The following A4GALT variants were observed in gnomAD, a reference collection of about 807,000 sequenced individuals.
The protein encoded by A4GALT is alpha 1,4-galactosyltransferase (P1PK blood group).
For missense variants in A4GALT, 512 were observed against 486.0 expected (o/e 1.05, Z -0.50); for synonymous variants, 257 against 220.7 (o/e 1.16, Z -1.46).
chr22:42,694,574 T>C (rs1930786126), intron 2 of A4GALT: 1 of 154,962 alleles, frequency 6.5e-6, no homozygotes. Context: ...TGACGCTGAC[T>C]GGTACTACTG....
chr22:42,708,545 A>AGAAGGAAGGAGGGAAG (rs1555887809), intron 1 of A4GALT, among the ~76,000 whole-genome samples: 1 of 116,498 alleles, frequency 8.6e-6, no homozygotes, highest in Non-Finnish European at 1.7e-5. Context: ...GAGGAAAGAG[A>AGAAGGAAGGAGGGAAG]GAAGGAAGGA....
rs768921574 is a variant in A4GALT, at chr22:42,693,474, C to G, written c.478G>C (p.Ala160Pro). Reference protein sequence around the residue: ...FRDTPLADWYAAVQGRWEPYL... With the variant: ...FRDTPLADWYPAVQGRWEPYL... ...GGCTCCCAGCGCCCCTGCACGGCCG[C>G]GTACCAGTCGGCCAGGGGTGTGTCC... The change falls in exon 3 of 3, where the codon GCG becomes CCG. Residue 160 changes from alanine to proline, a missense_variant. Coordinates refer to ENST00000642412, the MANE Select transcript of A4GALT (RefSeq NM_017436.7). 1.2e-6 allele frequency: 2 copies of G among 1,613,100 alleles called. No individual in the cohort carries two copies. Among genetic ancestry groups the G allele is most frequent in the Non-Finnish European group, 1.7e-6 (2 of 1,179,956 alleles).
chr22:42,693,240 C>T lies in A4GALT; in HGVS notation c.712G>A (p.Val238Met), dbSNP rs1037960020. Reference sequence around the variant, plus strand: ...CAGATCCAGCCGTTGTAGTGGTCCACGAAGTCCCGCATGCACAGCGCCATG... The same window carrying T: ...CAGATCCAGCCGTTGTAGTGGTCCATGAAGTCCCGCATGCACAGCGCCATG... Reference protein sequence around the residue: ...EFMALCMRDFVDHYNGWIWGH... With the variant: ...EFMALCMRDFMDHYNGWIWGH... The change falls in exon 3 of 3, where the codon GTG (valine) becomes ATG (methionine). Residue 238 changes from valine to methionine, a missense_variant. By Grantham distance (21) the Val-to-Met change is conservative. Coordinates refer to ENST00000642412, the MANE Select transcript of A4GALT (RefSeq NM_017436.7). The T allele has an allele frequency of 3.7e-6, 6 of 1,610,888 alleles. No individual in the cohort carries two copies. In the African/African-American group the frequency reaches 6.7e-5, roughly 18 times the overall value.
chr22:42,714,085 T>C (rs1223534452), intron 1 of A4GALT, among the ~76,000 whole-genome samples: 1 of 149,054 alleles, frequency 6.7e-6, no homozygotes, highest in Admixed American at 6.7e-5. Flanking sequence ...AGGCCAAGAG[T>C]TGCGTGGGAA....
Position 42,693,348 on chromosome 22 carries a change from G to T in A4GALT, c.604C>A (p.Arg202=). 6.2e-7 allele frequency: 1 copy of T among 1,613,232 alleles called. No homozygotes were observed. Among genetic ancestry groups the T allele is most frequent in the Non-Finnish European group, 8.5e-7 (1 of 1,180,000 alleles). ...DTDFIVLKNL[R]NLTNVLGTQS... ...GTGCCCAGCACGTTGGTCAGGTTCC[G>T]CAGGTTCTTGAGAACAATGAAGTCC... is the stretch of plus-strand genomic sequence containing the variant. Residue 202 remains arginine (R), a synonymous_variant, in exon 3 of 3, where the codon CGG becomes AGG. Coordinates refer to ENST00000642412, the MANE Select transcript of A4GALT (RefSeq NM_017436.7).
chr22:42,718,833 C>A (rs867956858), intron 1 of A4GALT, among the ~76,000 whole-genome samples: 10 of 152,146 alleles, frequency 6.6e-5, no homozygotes, highest in Non-Finnish European at 1.0e-4. Context: ...GTGAGCACGC[C>A]TAGCAGGTCC....
At chr22:42,711,986 A>G (rs1257641122) in intron 1 of A4GALT, among the ~76,000 whole-genome samples, 1 of 152,208 alleles carries the variant, frequency 6.6e-6, no homozygotes, top group Non-Finnish European at 1.5e-5. Flanking sequence ...AGCCGGGATC[A>G]AATGTGATAA....
chr22:42,716,052 G>A (rs1211541023), intron 1 of A4GALT, among the ~76,000 whole-genome samples: 1 of 151,820 alleles, frequency 6.6e-6, no homozygotes, highest in Non-Finnish European at 1.5e-5. Context: ...GGCTGGTCTC[G>A]AACTCCCGAC....
At chr22:42,710,182 C>T (rs765901935) in intron 1 of A4GALT, among the ~76,000 whole-genome samples, 2 of 151,948 alleles carry the variant, frequency 1.3e-5, no homozygotes, top group Non-Finnish European at 2.9e-5. Context: ...AGAAAGAAAA[C>T]GCAATAGAAA....
intron 1 of A4GALT, among the ~76,000 whole-genome samples, chr22:42,697,243 C>T (rs1407108193): frequency 6.6e-6 from 1 of 151,962 alleles, no homozygotes; most frequent in African/African-American, 2.4e-5. Context: ...TAAGAGTGAA[C>T]CAATGAGTGT....
intron 1 of A4GALT, among the ~76,000 whole-genome samples, chr22:42,720,462 C>T (rs1922621052): frequency 6.6e-6 from 1 of 152,116 alleles, no homozygotes; most frequent in South Asian, 2.1e-4. Flanking sequence ...CCGGCTTCTC[C>T]CCGACGCCCT....
intron 1 of A4GALT, among the ~76,000 whole-genome samples, chr22:42,696,121 CAAA>C (rs1296048741): frequency 1.0e-3 from 54 of 53,906 alleles, no homozygotes; most frequent in Non-Finnish European, 1.6e-3. Flanking sequence ...GACTCTATCT[CAAA>C]AAAAAAAAAA....
chr22:42,719,778 C>T (rs1224972902), intron 1 of A4GALT, among the ~76,000 whole-genome samples: 1 of 152,182 alleles, frequency 6.6e-6, no homozygotes, highest in African/African-American at 2.4e-5. Flanking sequence ...AAGGCCAGAC[C>T]TGGCCTGAGA....
chr22:42,711,874 C>A lies in A4GALT; in HGVS notation c.-188+8923G>T, dbSNP rs538764175. Among the ~76,000 whole-genome samples, 113 of 152,284 alleles carry A rather than the reference C, an allele frequency of 7.4e-4. 1 individual carries two copies. Among genetic ancestry groups the A allele is most frequent in the Middle Eastern group, 3.4e-3 (1 of 294 alleles). On this transcript the variant is annotated intron_variant, in intron 1 of 2. Transcript: ENST00000642412. The stretch of plus-strand genomic sequence containing the variant: ...CTGACCTCAAGTGATCCACCCACCT[C>A]GGCCTTCCAAAGTGCTAGGATCACA...
At chr22:42,705,606 AAAAAAAG>A (rs1160082831) in intron 1 of A4GALT, among the ~76,000 whole-genome samples, 4 of 124,366 alleles carry the variant, frequency 3.2e-5, no homozygotes, top group African/African-American at 1.0e-4. Flanking sequence ...CTCAAAAAAA[AAAAAAAG>A]AAAAAGAAAA....
In A4GALT at chr22:42,693,481, GT is replaced by G; in HGVS notation, c.470del (p.Asp157AlafsTer48). On this transcript the variant is annotated frameshift_variant, in exon 3 of 3. Coordinates refer to ENST00000642412, the MANE Select transcript of A4GALT (RefSeq NM_017436.7). LOFTEE classifies it low-confidence loss of function (END_TRUNC). ...RELFRDTPLA[D>X]WYAAVQGRWE... ...AGCGCCCCTGCACGGCCGCGTACCA[GT>G]CGGCCAGGGGTGTGTCCCGGAACAG... The G allele has an allele frequency of 6.2e-7, 1 of 1,613,164 alleles. No individual in the cohort carries two copies. The highest frequency in any genetic ancestry group is 8.5e-7 in the Non-Finnish European group (1 of 1,179,960).
intron 1 of A4GALT, among the ~76,000 whole-genome samples, chr22:42,703,937 G>A (rs1172579757): frequency 6.6e-6 from 1 of 152,102 alleles, no homozygotes; most frequent in East Asian, 1.9e-4. Context: ...ACGTGACCTT[G>A]GACCCACCTC....
chr22:42,709,056 T>C (rs895790969), intron 1 of A4GALT, among the ~76,000 whole-genome samples: 4 of 102,434 alleles, frequency 3.9e-5, no homozygotes, highest in African/African-American at 1.1e-4. Context: ...TAAATATATA[T>C]ATATATATAT....
At position 42,703,259 on chromosome 22, in the gene A4GALT, G is replaced by GTTTTTTTT. The variant is rs59690136; in HGVS notation, c.-187-7636_-187-7629dup. ...TTTTTTTTGTTGTTTGTTTGTTTTT[G>GTTTTTTTT]TTTTTTTTTTTTTTGAGACAGAGTC... On this transcript the variant is annotated intron_variant, in intron 1 of 2. Coordinates refer to ENST00000642412, the MANE Select transcript of A4GALT (RefSeq NM_017436.7). Among the ~76,000 whole-genome samples the GTTTTTTTT allele has an allele frequency of 9.0e-4, 119 of 131,730 alleles. 2 individuals are homozygous for GTTTTTTTT. Among genetic ancestry groups the GTTTTTTTT allele is most frequent in the Middle Eastern group, 3.9e-3 (1 of 258 alleles). The allele number at this position is 131,730 out of a possible 152,430, so 86.4% of individuals were successfully genotyped here.
Sources: gnomAD v4.1 joint callset for allele counts (sites outside exome capture counted in the v4.1 genomes callset) on GRCh38, gnomAD v4.1.1 for gene constraint, MANE v1.5 for transcripts, NCBI Gene and HGNC (gene_info 2026-07-23, HGNC 2026-07-21) for gene names.